CSMD3: variants seen among roughly 807,000 people sequenced by gnomAD.
The protein encoded by CSMD3 is CUB and sushi domain-containing protein 3.
CSMD3 carries 177 observed loss-of-function variants against 435.2 expected under a neutral mutation model. The observed-to-expected ratio is 0.41, with a 90% CI of 0.36 to 0.46. The LOEUF (loss-of-function observed/expected upper bound fraction) is 0.46, where lower values mean the gene tolerates loss of function less well. CSMD3 is among the 20% of genes least tolerant of loss of function. The probability of loss-of-function intolerance (pLI) is 0.34; values close to 1 mark genes in which losing one functional copy is unlikely to be tolerated. For synonymous variants in CSMD3, 1,656 were observed against 1,520.5 expected, an observed-to-expected ratio of 1.09 and a Z score of -2.07; for missense variants, 4,265 against 4,504.6, an observed-to-expected ratio of 0.95 and a Z score of 1.52.
intron 66 of CSMD3, among the ~76,000 whole-genome samples, chr8:112,238,661 T>C (rs1444524321): frequency 2.7e-5 from 4 of 148,550 alleles, no homozygotes; most frequent in Non-Finnish European, 6.0e-5. Context: ...TTATAAATAA[T>C]TTTACTAAAA....
rs1419303922 is a variant in CSMD3, at chr8:112,605,719, A to G, written c.3716-18484T>C. Among the ~76,000 whole-genome samples the G allele has an allele frequency of 2.0e-5, 3 of 152,256 alleles. No individual in the cohort carries two copies. The East Asian group carries it at 5.8e-4, about 29-fold the overall frequency. On this transcript the variant is annotated intron_variant, in intron 22 of 70. Transcript: ENST00000297405. ...TACCTGGAAACAAAATAATCTGTAC[A>G]CCAAACAGCCATGACATGCAATTTA...
intron 1 of CSMD3, among the ~76,000 whole-genome samples, chr8:113,341,420 A>T (rs10095641): frequency 0.013 from 2,005 of 152,264 alleles, 53 homozygotes; most frequent in African/African-American, 0.046. Flanking sequence ...GGCAAAACCA[A>T]TTGATAGAGT....
chr8:112,938,362 G>C (rs2083349642), intron 9 of CSMD3, among the ~76,000 whole-genome samples: 1 of 152,130 alleles, frequency 6.6e-6, no homozygotes, highest in Non-Finnish European at 1.5e-5. Context: ...CTCGAATTGT[G>C]ATTCTTTCTT....
chr8:113,021,600 G>A (rs190806255), intron 5 of CSMD3, among the ~76,000 whole-genome samples: 1 of 152,002 alleles, frequency 6.6e-6, no homozygotes, highest in Non-Finnish European at 1.5e-5. Flanking sequence ...GCTCCACAAG[G>A]ACATTAAGAA....
At chr8:113,016,232 G>C (rs563921766) in intron 6 of CSMD3, among the ~76,000 whole-genome samples, 94 of 151,828 alleles carry the variant, frequency 6.2e-4, no homozygotes, top group Non-Finnish European at 1.2e-3. Context: ...CGTATTAAAG[G>C]CTTTCTATTT....
At chr8:112,527,119 A>G (rs1825054181) in intron 27 of CSMD3, among the ~76,000 whole-genome samples, 2 of 151,984 alleles carry the variant, frequency 1.3e-5, no homozygotes, top group African/African-American at 4.8e-5. Flanking sequence ...ATTATATTAA[A>G]TATAAGTAGT....
At chr8:112,905,142 C>T (rs1480772752) in intron 10 of CSMD3, among the ~76,000 whole-genome samples, 1 of 151,090 alleles carries the variant, frequency 6.6e-6, no homozygotes, top group Non-Finnish European at 1.5e-5. Context: ...GTAGACAGTG[C>T]CCTTAGCTTA....
intron 8 of CSMD3, among the ~76,000 whole-genome samples, chr8:112,948,837 G>A (rs1014698852): frequency 6.6e-6 from 1 of 151,874 alleles, no homozygotes; most frequent in Non-Finnish European, 1.5e-5. Context: ...GAATAAAGAT[G>A]ACTACTTCTA....
At chr8:112,272,720 T>C (rs1346832204) in intron 59 of CSMD3, among the ~76,000 whole-genome samples, 1 of 152,178 alleles carries the variant, frequency 6.6e-6, no homozygotes, top group African/African-American at 2.4e-5. Flanking sequence ...TTTATGTTCA[T>C]TGCAAATGAA....
At chr8:113,153,745 G>T (rs148659056) in intron 4 of CSMD3, among the ~76,000 whole-genome samples, 229 of 152,084 alleles carry the variant, frequency 1.5e-3, no homozygotes, top group African/African-American at 4.9e-3. Context: ...TCATATAATG[G>T]TTTTTTCTCA....
intron 12 of CSMD3, among the ~76,000 whole-genome samples, chr8:112,803,810 A>C (rs2079016536): frequency 6.6e-6 from 1 of 152,134 alleles, no homozygotes; most frequent in Non-Finnish European, 1.5e-5. Flanking sequence ...GCTTCCCAGA[A>C]GTTTGCAGGC....
chr8:112,521,654 G>C (rs540833086), intron 27 of CSMD3, among the ~76,000 whole-genome samples: 1 of 151,862 alleles, frequency 6.6e-6, no homozygotes, highest in South Asian at 2.1e-4. Context: ...TTTTTAGCTT[G>C]ATGCCCCTGA....
chr8:112,807,027 G>C (rs1353554192), intron 12 of CSMD3, among the ~76,000 whole-genome samples: 1 of 152,200 alleles, frequency 6.6e-6, no homozygotes, highest in Non-Finnish European at 1.5e-5. Flanking sequence ...CACTGCTCAA[G>C]ATAACCATCA....
chr8:112,527,653 T>C (rs936652825), intron 27 of CSMD3, among the ~76,000 whole-genome samples: 2 of 151,942 alleles, frequency 1.3e-5, no homozygotes, highest in Admixed American at 6.6e-5. Context: ...AAAAAACATG[T>C]TGGGCTATGG....
chr8:112,247,066 G>T lies in CSMD3; in HGVS notation c.10176C>A (p.Thr3392=). The T allele has an allele frequency of 1.9e-6, 3 of 1,613,878 alleles. No individual in the cohort carries two copies. The highest frequency in any genetic ancestry group is 2.5e-6 in the Non-Finnish European group (3 of 1,179,880). ...GHLLQGSTTR[T]CLPDLTWSGI... Reference sequence around the variant, plus strand: ...CACTCCACGTAAGATCAGGGAGGCAGGTGCGTGTTGTAGACCCTTGGAGAA... The same window carrying T: ...CACTCCACGTAAGATCAGGGAGGCATGTGCGTGTTGTAGACCCTTGGAGAA... The change falls in exon 64 of 71, where the codon ACC becomes ACA. Residue 3392 remains threonine (T), a synonymous_variant. Coordinates refer to ENST00000297405, the MANE Select transcript of CSMD3 (RefSeq NM_198123.2).
At chr8:113,351,718 G>C (rs2094191684) in intron 1 of CSMD3, among the ~76,000 whole-genome samples, 1 of 152,016 alleles carries the variant, frequency 6.6e-6, no homozygotes, top group Admixed American at 6.6e-5. Flanking sequence ...TTAAGTCTTA[G>C]AAAAACCTAT....
intron 1 of CSMD3, among the ~76,000 whole-genome samples, chr8:113,356,921 G>GA (rs1175174356): frequency 6.6e-6 from 1 of 151,606 alleles, no homozygotes; most frequent in Non-Finnish European, 1.5e-5. Context: ...ATTTTTTTCT[G>GA]AAAAAAATGT....
chr8:112,690,119 G>C, intron 13 of CSMD3, 69 bp from the exon 14 acceptor site: 1 of 1,085,002 alleles, frequency 9.2e-7, no homozygotes, highest in Non-Finnish European at 1.4e-6. Context: ...ATACAAGTTA[G>C]GTAGATATAT....
At chr8:112,286,630 G>C (rs937491596) in intron 58 of CSMD3, among the ~76,000 whole-genome samples, 3 of 151,930 alleles carry the variant, frequency 2.0e-5, no homozygotes, top group Non-Finnish European at 4.4e-5. Context: ...ATCTCCTACT[G>C]TGCATAATTT....
Sources: allele counts gnomAD v4.1 joint callset (sites outside exome capture counted in the v4.1 genomes callset), GRCh38; gene constraint gnomAD v4.1.1; transcripts MANE v1.5; gene names NCBI Gene and HGNC (gene_info 2026-07-23, HGNC 2026-07-21).